AP3B1: variants seen among roughly 807,000 people sequenced by gnomAD.
AP3B1 encodes the protein AP-3 complex subunit beta-1.
Under a neutral mutation model 132.5 loss-of-function variants are expected in AP3B1, and 61 were observed. The observed-to-expected ratio is 0.46, with a 90% CI of 0.37 to 0.57. The LOEUF (loss-of-function observed/expected upper bound fraction) is 0.57. Among genes scored for constraint, AP3B1 ranks in the 20% least tolerant of loss-of-function variants. AP3B1 has a pLI of 0.00. For missense variants in AP3B1, 1,120 were observed against 1,289.4 expected, an observed-to-expected ratio of 0.87 and a Z score of 2.01; for synonymous variants, 388 against 438.3, an observed-to-expected ratio of 0.89 and a Z score of 1.43.
intron 14 of AP3B1, among the ~76,000 whole-genome samples, chr5:78,142,844 A>C (rs1753212268): frequency 6.6e-6 from 1 of 152,142 alleles, no homozygotes; most frequent in African/African-American, 2.4e-5. Context: ...CAGTGTGATA[A>C]AACTGATGCC....
chr5:78,281,618 G>A (rs987879837), intron 1 of AP3B1, among the ~76,000 whole-genome samples: 7 of 151,898 alleles, frequency 4.6e-5, no homozygotes, highest in East Asian at 1.9e-4. Flanking sequence ...ATGAAAAACC[G>A]TTTTACAATA....
At chr5:78,182,364 C>T (rs1407541387) in intron 7 of AP3B1, among the ~76,000 whole-genome samples, 1 of 152,234 alleles carries the variant, frequency 6.6e-6, no homozygotes, top group African/African-American at 2.4e-5. Context: ...CTGAAACATA[C>T]TTTCTGCTTC....
At chr5:78,038,286 C>A (rs924720789) in intron 23 of AP3B1, among the ~76,000 whole-genome samples, 5 of 152,116 alleles carry the variant, frequency 3.3e-5, no homozygotes, top group Admixed American at 2.6e-4. Flanking sequence ...TGGATAAATA[C>A]CAGTGATATC....
At chr5:78,036,983 T>C (rs1747834564) in intron 23 of AP3B1, among the ~76,000 whole-genome samples, 2 of 152,174 alleles carry the variant, frequency 1.3e-5, no homozygotes, top group Admixed American at 1.3e-4. Context: ...ACTCTGTATC[T>C]TGAAGGCATT....
intron 7 of AP3B1, among the ~76,000 whole-genome samples, chr5:78,209,984 G>C: frequency 6.6e-6 from 1 of 152,052 alleles, no homozygotes; most frequent in Admixed American, 6.6e-5. Flanking sequence ...ATAACCAATG[G>C]GAAGAGAGGA....
chr5:78,052,866 T>C (rs915592410), intron 22 of AP3B1, among the ~76,000 whole-genome samples: 1 of 152,226 alleles, frequency 6.6e-6, no homozygotes, highest in African/African-American at 2.4e-5. Flanking sequence ...TGATATGTTA[T>C]ACTATTCATA....
intron 3 of AP3B1, among the ~76,000 whole-genome samples, chr5:78,234,202 T>C (rs1047560211): frequency 8.5e-5 from 13 of 152,298 alleles, no homozygotes; most frequent in African/African-American, 3.1e-4. Flanking sequence ...CTTTACACTT[T>C]CTTGGTTTAA....
At chr5:78,156,220 G>A in intron 14 of AP3B1, 38 bp downstream of exon 14, 1 of 1,440,180 alleles carries the variant, frequency 6.9e-7, no homozygotes, top group Non-Finnish European at 9.8e-7. Context: ...ACAACTTACT[G>A]AATAAAATTC....
chr5:78,099,045 CT>C (rs1213401849), intron 21 of AP3B1, among the ~76,000 whole-genome samples: 2 of 152,128 alleles, frequency 1.3e-5, no homozygotes, highest in African/African-American at 4.8e-5. Flanking sequence ...GGGTTCTACC[CT>C]CATGAATGGG....
At chr5:78,110,463 G>C (rs1580357537) in intron 19 of AP3B1, 109 bp from the exon 20 acceptor site, 1 of 761,160 alleles carries the variant, frequency 1.3e-6, no homozygotes, top group Non-Finnish European at 2.1e-6. Flanking sequence ...TAATAAAAAA[G>C]GTATTACCCA....
At chr5:78,036,826 C>T (rs1416165369) in intron 23 of AP3B1, among the ~76,000 whole-genome samples, 1 of 152,108 alleles carries the variant, frequency 6.6e-6, no homozygotes, top group African/African-American at 2.4e-5. Flanking sequence ...TACTAAAACA[C>T]TAAAATACAG....
At chr5:78,084,314 C>T (rs1006913477) in intron 22 of AP3B1, among the ~76,000 whole-genome samples, 8 of 151,818 alleles carry the variant, frequency 5.3e-5, no homozygotes, top group African/African-American at 1.9e-4. Flanking sequence ...AACCCTAGCT[C>T]TACCAACAAA....
In AP3B1 at chr5:78,294,452, T is replaced by G. The variant is rs1181027316; in HGVS notation, c.128A>C (p.Lys43Thr). The part of the protein sequence containing the change: ...AFGLFSSDLK[K>T]NEDLKQMLES... ...CCGCAACCCAAACCTTTCTCCTCAC[T>G]TCTTCAAATCGCTGCTAAAGAGGCC... The change falls in exon 1 of 27, where the codon AAG becomes ACG. Residue 43 changes from lysine to threonine, a missense_variant and splice_region_variant. Physicochemically the swap from Lys to Thr is moderately conservative, Grantham distance 78. Transcript: ENST00000255194. 1.9e-6 allele frequency: 3 copies of G among 1,614,176 alleles called. No individual in the cohort carries two copies. The highest frequency in any genetic ancestry group is 1.3e-5 in the African/African-American group (1 of 75,060).
chr5:78,045,400 A>AAAC (rs774847495), intron 22 of AP3B1, among the ~76,000 whole-genome samples: 18 of 148,250 alleles, frequency 1.2e-4, no homozygotes, highest in African/African-American at 3.5e-4. Flanking sequence ...AAAAAAAAAA[A>AAAC]CACAAAGAAA....
chr5:78,057,050 C>T (rs1392012551), intron 22 of AP3B1, among the ~76,000 whole-genome samples: 1 of 152,136 alleles, frequency 6.6e-6, no homozygotes, highest in Non-Finnish European at 1.5e-5. Flanking sequence ...GCCCACCCAC[C>T]TTATCATCAA....
chr5:78,268,179 T>C (rs1049189478), intron 1 of AP3B1, among the ~76,000 whole-genome samples: 2 of 152,206 alleles, frequency 1.3e-5, no homozygotes, highest in African/African-American at 4.8e-5. Context: ...CTATAAATGT[T>C]CACCTTAAGG....
intron 11 of AP3B1, among the ~76,000 whole-genome samples, chr5:78,168,008 C>A (rs1446554740): frequency 3.0e-5 from 4 of 134,368 alleles, no homozygotes; most frequent in Non-Finnish European, 4.7e-5. Context: ...CACCAAAAAC[C>A]TACTGAAAAA....
chr5:78,072,734 TTTTTTG>T (rs1749593888), intron 22 of AP3B1, among the ~76,000 whole-genome samples: 1 of 138,320 alleles, frequency 7.2e-6, no homozygotes, highest in African/African-American at 2.7e-5. Flanking sequence ...TTTTTTTTTT[TTTTTTG>T]AGATGGAGTC....
intron 21 of AP3B1, among the ~76,000 whole-genome samples, chr5:78,096,040 A>C (rs1437642334): frequency 6.6e-6 from 1 of 151,804 alleles, no homozygotes; most frequent in African/African-American, 2.4e-5. Flanking sequence ...CCCTCTCCCC[A>C]CGGTCTCCCT....
Sources: gnomAD v4.1 joint callset for allele counts (sites outside exome capture counted in the v4.1 genomes callset) on GRCh38, gnomAD v4.1.1 for gene constraint, MANE v1.5 for transcripts, NCBI Gene and HGNC (gene_info 2026-07-23, HGNC 2026-07-21) for gene names.